MAK: variants seen among roughly 807,000 people sequenced by gnomAD.
MAK encodes the protein serine/threonine-protein kinase MAK.
Under a neutral mutation model 82.6 loss-of-function variants are expected in MAK, and 65 were observed. The observed-to-expected ratio is 0.79, with a 90% confidence interval of 0.64 to 0.97. The LOEUF is 0.97. MAK is among the 50% of genes least tolerant of loss of function. The pLI, the probability that MAK is intolerant of heterozygous loss-of-function variation, is 0.00. For synonymous variants in MAK, 250 were observed against 274.2 expected (o/e 0.91, Z 0.87); for missense variants, 703 against 780.2 (o/e 0.90, Z 1.18).
At chr6:10,794,466 G>A (rs1193968548) in intron 9 of MAK, among the ~76,000 whole-genome samples, 1 of 152,190 alleles carries the variant, frequency 6.6e-6, no homozygotes. Flanking sequence ...AATGTGATTA[G>A]TGCTATTGGG....
chr6:10,775,476 A>C lies in MAK; in HGVS notation c.1466-17T>G, dbSNP rs1483974460. Reference sequence around the variant, plus strand: ...GATTCACACCTGAGAAGAACAAAACAACCACTTCAAAGGTTAGAGCAGATC... The same window carrying C: ...GATTCACACCTGAGAAGAACAAAACCACCACTTCAAAGGTTAGAGCAGATC... On this transcript the variant is annotated splice_polypyrimidine_tract_variant and intron_variant, in intron 11 of 14. Transcript: ENST00000354489. 6.2e-7 allele frequency: 1 copy of C among 1,610,928 alleles called. No individual in the cohort carries two copies. The highest frequency in any genetic ancestry group is 8.5e-7 in the Non-Finnish European group (1 of 1,177,952).
chr6:10,800,160 G>A lies in MAK; in HGVS notation c.831+1732C>T, dbSNP rs1346667149. The stretch of plus-strand genomic sequence containing the variant: ...GGGCACCTGCAATCCCAGCAACTCG[G>A]GAGGCTGAGGCAGGAGAATCGCCTG... On this transcript the variant is annotated intron_variant, in intron 8 of 14. Coordinates refer to ENST00000354489, the MANE Select transcript of MAK (RefSeq NM_001242957.3). This position sits in a 1 kb window ranked among gnomAD's most constrained non-coding sequence, Gnocchi z 4.2. Among the ~76,000 whole-genome samples, 1 of 152,094 alleles carries A rather than the reference G, an allele frequency of 6.6e-6. No homozygotes were observed. Among genetic ancestry groups the A allele is most frequent in the Non-Finnish European group, 1.5e-5 (1 of 68,006 alleles).
intron 2 of MAK, among the ~76,000 whole-genome samples, chr6:10,828,026 T>A (rs1778511173): frequency 6.6e-6 from 1 of 152,190 alleles, no homozygotes; most frequent in Admixed American, 6.5e-5. Context: ...GTTTGTTTTT[T>A]TTAGTTCATC....
At chr6:10,819,320 G>T (rs930036918) in intron 2 of MAK, among the ~76,000 whole-genome samples, 2 of 152,186 alleles carry the variant, frequency 1.3e-5, no homozygotes, top group Non-Finnish European at 2.9e-5. Flanking sequence ...AAATTCAGAA[G>T]TAACTACAAA....
At chr6:10,771,994 A>C (rs900536351) in intron 13 of MAK, among the ~76,000 whole-genome samples, 7 of 152,230 alleles carry the variant, frequency 4.6e-5, no homozygotes, top group African/African-American at 1.7e-4. Flanking sequence ...TTAAAATTCC[A>C]GGTAGGGTTA....
intron 5 of MAK, among the ~76,000 whole-genome samples, chr6:10,812,040 A>T (rs999472018): frequency 6.6e-6 from 1 of 152,104 alleles, no homozygotes; most frequent in Non-Finnish European, 1.5e-5. Flanking sequence ...TCTCTACAAA[A>T]AAGAAAAAAA....
chr6:10,791,802 C>G lies in MAK; in HGVS notation c.1189G>C (p.Gly397Arg). The part of the protein sequence containing the change: ...LSHKSGRRRW[G>R]QTIFKSGDSW... ...TCTCCAGACTTGAAGATAGTCTGAC[C>G]CCAACGCCTCCTACCACTTTTATGA... The change falls in exon 10 of 15, where the codon GGT (glycine) becomes CGT (arginine). Residue 397 changes from glycine (G) to arginine (R), a missense_variant. Transcript: ENST00000354489. 1.2e-6 allele frequency: 2 copies of G among 1,614,074 alleles called. No homozygotes were observed. The highest frequency in any genetic ancestry group is 1.1e-5 in the South Asian group (1 of 91,064).
chr6:10,830,701 A>G lies in MAK; in HGVS notation c.-53T>C. ...TTGATTGAAATGACTTCCTTGTTGA[A>G]TATAAATTTGAACGCTTCTTAATTT... On this transcript the variant is annotated 5_prime_UTR_variant, in exon 2 of 15. Coordinates refer to ENST00000354489, the MANE Select transcript of MAK (RefSeq NM_001242957.3). The G allele has an allele frequency of 7.2e-7, 1 of 1,385,028 alleles. No homozygotes were observed. Among genetic ancestry groups the G allele is most frequent in the Non-Finnish European group, 1.0e-6 (1 of 971,120 alleles). 85.8% of individuals were successfully genotyped at this position (1,385,028 alleles called of 1,614,324 possible).
rs571917592 is a variant in MAK at position 10,763,099 on chromosome 6, A to C, written c.*1353T>G. The C allele has an allele frequency of 6.5e-6, 1 of 152,788 alleles. No homozygotes were observed. Among genetic ancestry groups the C allele is most frequent in the South Asian group, 2.1e-4 (1 of 4,828 alleles). The allele number at this position is 152,788 out of a possible 1,614,324, so 9.5% of individuals were successfully genotyped here. A position where few individuals can be genotyped will look rare whatever the true frequency, so the allele number is the denominator to read the frequency against. ...TGGCAGATTTAAACAGAGTAGCCCA[A>C]AGTTCGAAGTGTCTATTTAAAATAC... On this transcript the variant is annotated 3_prime_UTR_variant, in exon 15 of 15. Coordinates refer to ENST00000354489, the MANE Select transcript of MAK (RefSeq NM_001242957.3).
intron 6 of MAK, among the ~76,000 whole-genome samples, chr6:10,804,672 C>T (rs1042050298): frequency 2.2e-4 from 33 of 152,114 alleles, no homozygotes; most frequent in African/African-American, 6.8e-4. Flanking sequence ...GAAAAATACT[C>T]AATTTACAAG....
rs1554184484 is a variant in MAK, at chr6:10,815,912, G to GTACATA, written c.278+1937_278+1938insTATGTA. Among the ~76,000 whole-genome samples, 39 of 108,344 alleles carry GTACATA rather than the reference G, an allele frequency of 3.6e-4. 1 individual carries two copies. Among genetic ancestry groups the GTACATA allele is most frequent in the Middle Eastern group, 0.01 (2 of 192 alleles). 71.1% of individuals were successfully genotyped at this position (108,344 alleles called of 152,430 possible). A position where few individuals can be genotyped will look rare whatever the true frequency, so the allele number is the denominator to read the frequency against. On this transcript the variant is annotated intron_variant, in intron 4 of 14. Coordinates refer to ENST00000354489, the MANE Select transcript of MAK (RefSeq NM_001242957.3). ...TACTGTATTAGTGTAGCTTTATACA[G>GTACATA]TATATATATATATATATATATATAT...
intron 10 of MAK, among the ~76,000 whole-genome samples, chr6:10,791,412 G>A (rs1446270161): frequency 1.3e-5 from 2 of 151,994 alleles, no homozygotes; most frequent in African/African-American, 2.4e-5. Flanking sequence ...GATTACAGGT[G>A]CACACCACCA....
intron 11 of MAK, among the ~76,000 whole-genome samples, chr6:10,781,567 G>A (rs1773970096): frequency 6.6e-6 from 1 of 151,786 alleles, no homozygotes; most frequent in Non-Finnish European, 1.5e-5. Flanking sequence ...GGGATTACAG[G>A]CACCCAACAC....
At chr6:10,815,927 T>TATATATAC (rs1246872442) in intron 4 of MAK, among the ~76,000 whole-genome samples, 3 of 124,532 alleles carry the variant, frequency 2.4e-5, no homozygotes, top group Non-Finnish European at 4.9e-5. Flanking sequence ...TATATATATA[T>TATATATAC]ATATATATAT....
At chr6:10,815,928 A>G (rs1488888296) in intron 4 of MAK, among the ~76,000 whole-genome samples, 59 of 126,890 alleles carry the variant, frequency 4.6e-4, no homozygotes, top group Non-Finnish European at 5.7e-4. Context: ...ATATATATAT[A>G]TATATATATA....
chr6:10,803,936 A>C (rs767451270), intron 6 of MAK, 45 bp from the exon 7 acceptor site: 1 of 1,541,446 alleles, frequency 6.5e-7, no homozygotes, highest in African/African-American at 1.4e-5. Flanking sequence ...TTGCAATTTC[A>C]AAGGTGGATG....
rs552537599 is a variant in MAK, at chr6:10,807,592, G to T, written c.491+1218C>A. On this transcript the variant is annotated intron_variant, in intron 6 of 14. Transcript: ENST00000354489. Reference sequence around the variant, plus strand: ...CTGGTCTCAAGTGATCCCCCACCTCGGCCTCCCAAAGTGCTGGGATTACAG... The same window carrying T: ...CTGGTCTCAAGTGATCCCCCACCTCTGCCTCCCAAAGTGCTGGGATTACAG... Among the ~76,000 whole-genome samples, 131 of 151,282 alleles carry T rather than the reference G, an allele frequency of 8.7e-4. 1 individual carries two copies. Among genetic ancestry groups the T allele is most frequent in the Non-Finnish European group, 9.9e-4 (67 of 67,840 alleles).
chr6:10,836,939 A>C (rs1313495116), intron 1 of MAK, among the ~76,000 whole-genome samples: 1 of 152,220 alleles, frequency 6.6e-6, no homozygotes, highest in East Asian at 1.9e-4. Context: ...TCAACTTTTT[A>C]ATCTAAGTTC....
Position 10,793,067 on chromosome 6 carries a change from AAG to A in MAK, c.1144-1222_1144-1221del, listed in dbSNP as rs1775219346. Among the ~76,000 whole-genome samples, 1 of 45,444 alleles carries A rather than the reference AAG, an allele frequency of 2.2e-5. No homozygotes were observed. Among genetic ancestry groups the A allele is most frequent in the Non-Finnish European group, 7.1e-5 (1 of 14,068 alleles). The allele number at this position is 45,444 out of a possible 152,430, so 29.8% of individuals were successfully genotyped here. ...AAATATAATACTTTTAATAAAGTAG[AAG>A]ATTTATTTTTGCAAACTCCACATCA... On this transcript the variant is annotated intron_variant, in intron 9 of 14. Coordinates refer to ENST00000354489, the MANE Select transcript of MAK (RefSeq NM_001242957.3). This position sits in a 1 kb window ranked among gnomAD's most constrained non-coding sequence, Gnocchi z 4.6.
Sources: gnomAD v4.1 joint callset for allele counts (sites outside exome capture counted in the v4.1 genomes callset) on GRCh38, gnomAD v4.1.1 for gene constraint, Gnocchi (gnomAD v3.1) non-coding constraint, MANE v1.5 for transcripts, NCBI Gene and HGNC (gene_info 2026-07-23, HGNC 2026-07-21) for gene names.